Variants in KAZN observed in about 807,000 individuals in gnomAD.
KAZN encodes kazrin, periplakin interacting protein.
In KAZN, 40 loss-of-function variants were observed where a neutral mutation model predicts 87.4. The ratio of observed to expected loss-of-function variants is 0.46; its 90% confidence interval spans 0.36 to 0.60. The LOEUF (loss-of-function observed/expected upper bound fraction) is 0.60. Ranked by LOEUF, KAZN falls within the 20% of genes least tolerant of loss-of-function variation. The pLI is 0.00. For missense variants in KAZN, 898 were observed against 1,073.9 expected (o/e 0.84, Z 2.29); for synonymous variants, 466 against 458.3 (o/e 1.02, Z -0.22).
chr1:15,005,584 G>A (rs1318201277), intron 2 of KAZN, among the ~76,000 whole-genome samples: 4 of 152,236 alleles, frequency 2.6e-5, no homozygotes, highest in South Asian at 2.1e-4. Context: ...TCAGGGATGC[G>A]AAACCAGCCT....
intron 1 of KAZN, among the ~76,000 whole-genome samples, chr1:14,894,721 C>T (rs1655078052): frequency 6.6e-6 from 1 of 152,250 alleles, no homozygotes; most frequent in African/African-American, 2.4e-5. Flanking sequence ...ATTGGGTACA[C>T]AGTAGGTGCT....
intron 1 of KAZN, among the ~76,000 whole-genome samples, chr1:14,865,816 G>A (rs1329513210): frequency 6.6e-6 from 1 of 152,142 alleles, no homozygotes; most frequent in African/African-American, 2.4e-5. Context: ...CTGATGTCCT[G>A]GTAAGAAGGC....
intron 2 of KAZN, among the ~76,000 whole-genome samples, chr1:14,964,999 C>T (rs537023677): frequency 6.6e-6 from 1 of 151,638 alleles, no homozygotes; most frequent in East Asian, 1.9e-4. Flanking sequence ...AGGCAGAAGC[C>T]TGAATGATTG....
chr1:14,816,471 A>G (rs1401836648), intron 1 of KAZN, among the ~76,000 whole-genome samples: 1 of 151,940 alleles, frequency 6.6e-6, no homozygotes, highest in Non-Finnish European at 1.5e-5. Flanking sequence ...CCCAGAGGCC[A>G]CCCTCAGATT....
At chr1:13,932,511 C>T (rs1227431625) in intron 1 of KAZN, among the ~76,000 whole-genome samples, 7 of 152,174 alleles carry the variant, frequency 4.6e-5, no homozygotes, top group Non-Finnish European at 8.8e-5. Flanking sequence ...CCGCCCGCCT[C>T]GGCCTCCCAA....
chr1:14,015,310 T>G (rs560458310), intron 1 of KAZN, among the ~76,000 whole-genome samples: 2 of 152,058 alleles, frequency 1.3e-5, no homozygotes, highest in African/African-American at 4.8e-5. Flanking sequence ...GTTCAGATGA[T>G]AATGGCTCTG....
chr1:15,076,160 A>T (rs1047497075), intron 8 of KAZN, among the ~76,000 whole-genome samples: 1 of 152,198 alleles, frequency 6.6e-6, no homozygotes, highest in Admixed American at 6.5e-5. Flanking sequence ...GGCAAGGAGG[A>T]GACTTGAGAC....
chr1:14,594,829 G>A (rs1676393089), upstream of KAZN, among the ~76,000 whole-genome samples: 1 of 152,172 alleles, frequency 6.6e-6, no homozygotes, highest in Admixed American at 6.5e-5. Flanking sequence ...GAGGGGGTTA[G>A]GCCAGTGGGA....
intron 1 of KAZN, among the ~76,000 whole-genome samples, chr1:14,958,555 A>G (rs1435603704): frequency 6.6e-6 from 1 of 152,188 alleles, no homozygotes; most frequent in Non-Finnish European, 1.5e-5. Context: ...AATGAGGGTT[A>G]GACCCGTTTA....
chr1:14,768,408 G>A (rs972130207), intron 1 of KAZN, among the ~76,000 whole-genome samples: 10 of 152,186 alleles, frequency 6.6e-5, no homozygotes, highest in Admixed American at 2.0e-4. Flanking sequence ...CATTTGATGC[G>A]TGTGGAAACG....
intron 1 of KAZN, among the ~76,000 whole-genome samples, chr1:14,142,717 G>A (rs1419620481): frequency 6.6e-6 from 1 of 152,206 alleles, no homozygotes; most frequent in African/African-American, 2.4e-5. Flanking sequence ...ATGGTCACGT[G>A]AGGCAGATGG....
chr1:14,571,214 G>C (rs1674844585), intron 2 of KAZN, among the ~76,000 whole-genome samples: 1 of 151,084 alleles, frequency 6.6e-6, no homozygotes, highest in Admixed American at 6.6e-5. Flanking sequence ...TGTGAGCACA[G>C]TCAATTTTTT....
chr1:14,526,115 C>T (rs759757905), intron 2 of KAZN, among the ~76,000 whole-genome samples: 1 of 152,212 alleles, frequency 6.6e-6, no homozygotes, highest in Non-Finnish European at 1.5e-5. Context: ...ACCTGGGTCT[C>T]AACCTGGGAT....
chr1:14,341,694 A>G (rs538113839), intron 2 of KAZN, among the ~76,000 whole-genome samples: 176 of 152,214 alleles, frequency 1.2e-3, no homozygotes, highest in Admixed American at 1.8e-3. Flanking sequence ...CCTAGCACCC[A>G]TATGGGGGTT....
At chr1:14,394,285 T>C (rs1020345885) in intron 2 of KAZN, among the ~76,000 whole-genome samples, 2 of 152,240 alleles carry the variant, frequency 1.3e-5, no homozygotes, top group African/African-American at 2.4e-5. Flanking sequence ...CCTGAGACCC[T>C]GGGACTCTCT....
intron 2 of KAZN, among the ~76,000 whole-genome samples, chr1:14,542,805 C>T (rs35143322): frequency 1.3e-5 from 2 of 152,282 alleles, no homozygotes; most frequent in South Asian, 2.1e-4. Flanking sequence ...CGACTCACCC[C>T]GGGCAAGCGG....
At chr1:14,358,918 G>A (rs1331949154) in intron 2 of KAZN, among the ~76,000 whole-genome samples, 1 of 152,208 alleles carries the variant, frequency 6.6e-6, no homozygotes, top group African/African-American at 2.4e-5. Context: ...TTGGGGTGGA[G>A]AGTTCTGTAG....
At chr1:14,529,890 T>C (rs1334473368) in intron 2 of KAZN, among the ~76,000 whole-genome samples, 1 of 152,166 alleles carries the variant, frequency 6.6e-6, no homozygotes, top group African/African-American at 2.4e-5. Context: ...AGGGGCTGCT[T>C]ATGGAGCCAC....
At position 14,830,305 on chromosome 1, in the gene KAZN, A is replaced by G. The variant is rs142918276; in HGVS notation, c.227-130379A>G. Among the ~76,000 whole-genome samples, 21 of 152,286 alleles carry G rather than the reference A, an allele frequency of 1.4e-4. No individual in the cohort carries two copies. In the East Asian group the frequency reaches 3.9e-3, roughly 28 times the overall value. On this transcript the variant is annotated intron_variant, in intron 1 of 14. Transcript: ENST00000376030. ...AAACCTTGGGCCAGAGGGAAAAATG[A>G]CAGTCCCAGCAAAGGTCCTAGGAGA...
Sources: allele counts gnomAD v4.1 joint callset (sites outside exome capture counted in the v4.1 genomes callset), GRCh38; gene constraint gnomAD v4.1.1; transcripts MANE v1.5; gene names NCBI Gene and HGNC (gene_info 2026-07-23, HGNC 2026-07-21).